USH2A: variants seen among roughly 807,000 people sequenced by gnomAD.
USH2A encodes usherin, also known as Usher syndrome 2A (autosomal recessive, mild).
USH2A carries 443 observed loss-of-function variants against 538.9 expected under a neutral mutation model. The ratio of observed to expected loss-of-function variants is 0.82; its 90% CI spans 0.76 to 0.89. The LOEUF is 0.89. USH2A is among the 40% of genes least tolerant of loss of function. USH2A has a pLI of 0.00. For synonymous variants in USH2A, 2,413 were observed against 2,273.5 expected (o/e 1.06, Z -1.75); for missense variants, 6,633 against 6,324.8 (o/e 1.05, Z -1.65).
At chr1:216,138,613 T>C (rs2033535159) in intron 21 of USH2A, among the ~76,000 whole-genome samples, 1 of 152,222 alleles carries the variant, frequency 6.6e-6, no homozygotes, top group Admixed American at 6.5e-5. Context: ...TTGACCTTTT[T>C]ATTGACTTCA....
intron 32 of USH2A, among the ~76,000 whole-genome samples, chr1:216,016,497 C>T (rs1325178580): frequency 6.6e-6 from 1 of 152,122 alleles, no homozygotes; most frequent in African/African-American, 2.4e-5. Context: ...AATCCACATC[C>T]CTCCCTTTCA....
At chr1:215,803,247 A>G (rs1362579977) in intron 49 of USH2A, among the ~76,000 whole-genome samples, 1 of 151,972 alleles carries the variant, frequency 6.6e-6, no homozygotes, top group Admixed American at 6.6e-5. Flanking sequence ...CTCTCTCACC[A>G]CTCCTATTCA....
At chr1:216,249,111 T>G (rs2036108392) in intron 12 of USH2A, among the ~76,000 whole-genome samples, 1 of 152,076 alleles carries the variant, frequency 6.6e-6, no homozygotes, top group South Asian at 2.1e-4. Context: ...TTGAATAAAG[T>G]TACTTGCTGA....
intron 11 of USH2A, among the ~76,000 whole-genome samples, chr1:216,274,251 T>C (rs964603317): frequency 6.6e-6 from 1 of 152,096 alleles, no homozygotes; most frequent in Non-Finnish European, 1.5e-5. Flanking sequence ...TTAGCCAATA[T>C]TGAAGCATTT....
intron 4 of USH2A, among the ~76,000 whole-genome samples, chr1:216,363,212 T>C (rs1405857471): frequency 6.6e-6 from 1 of 152,146 alleles, no homozygotes; most frequent in South Asian, 2.1e-4. Context: ...ACAGGCATTG[T>C]GCTTAGCACT....
intron 46 of USH2A, among the ~76,000 whole-genome samples, chr1:215,843,672 C>T (rs894295091): frequency 7.2e-5 from 11 of 152,214 alleles, no homozygotes; most frequent in African/African-American, 1.9e-4. Flanking sequence ...CTCACATATG[C>T]GGAGAACATT....
At chr1:215,652,650 G>T (rs1657118947) in intron 64 of USH2A, among the ~76,000 whole-genome samples, 1 of 152,168 alleles carries the variant, frequency 6.6e-6, no homozygotes, top group South Asian at 2.1e-4. Flanking sequence ...CTTCAGGGCT[G>T]ATGAGGAGGG....
intron 22 of USH2A, among the ~76,000 whole-genome samples, chr1:216,094,246 G>A (rs2102570083): frequency 6.6e-6 from 1 of 152,040 alleles, no homozygotes; most frequent in Non-Finnish European, 1.5e-5. Context: ...TTGTTAATTT[G>A]GATGTCCTGA....
Position 215,916,755 on chromosome 1 carries a change from A to G in USH2A, c.7301-15850T>C, listed in dbSNP as rs574931707. Among the ~76,000 whole-genome samples the G allele has an allele frequency of 2.7e-4, 41 of 152,232 alleles. No homozygotes were observed. The Middle Eastern group carries it at 0.017, about 63-fold the overall frequency. ...GGCAGAGGTGGGTCAAGGGCACCAG[A>G]ATAAAAAGACACCACTGAATACTAA... is the stretch of plus-strand genomic sequence containing the variant. On this transcript the variant is annotated intron_variant, in intron 38 of 71. Coordinates refer to ENST00000307340, the MANE Select transcript of USH2A (RefSeq NM_206933.4).
chr1:216,355,767 T>C (rs1393769307), intron 4 of USH2A, among the ~76,000 whole-genome samples: 1 of 152,128 alleles, frequency 6.6e-6, no homozygotes, highest in Non-Finnish European at 1.5e-5. Context: ...ATCTGCTACA[T>C]AATGAATCTA....
At chr1:216,000,049 A>T (rs945766552) in intron 33 of USH2A, among the ~76,000 whole-genome samples, 5 of 152,182 alleles carry the variant, frequency 3.3e-5, no homozygotes, top group African/African-American at 9.6e-5. Flanking sequence ...TAATAAGGGA[A>T]TAAGAAGGTC....
At position 216,062,644 on chromosome 1, in the gene USH2A, A is replaced by G. The variant is rs2031223282; in HGVS notation, c.6049+7457T>C. On this transcript the variant is annotated intron_variant, in intron 30 of 71. Transcript: ENST00000307340. Reference sequence around the variant, plus strand: ...CCAATTTATGAATGAGGAAACTCCAATGTAAGGATATGTTTTTAAATTTGT... The same window carrying G: ...CCAATTTATGAATGAGGAAACTCCAGTGTAAGGATATGTTTTTAAATTTGT... Among the ~76,000 whole-genome samples, 6 of 152,206 alleles carry G rather than the reference A, an allele frequency of 3.9e-5. No individual in the cohort carries two copies. The South Asian group carries it at 1.0e-3, about 26-fold the overall frequency.
chr1:216,231,249 T>TTATA lies in USH2A; in HGVS notation c.2993+700_2993+703dup, dbSNP rs367785093. ...CATATATCCCATATATATATATATA[T>TTATA]TATATATATAATATATATATATAAT... On this transcript the variant is annotated intron_variant, in intron 14 of 71. Transcript: ENST00000307340. Among the ~76,000 whole-genome samples the TTATA allele has an allele frequency of 1.1e-4, 9 of 83,746 alleles. 2 individuals are homozygous for TTATA. The highest frequency in any genetic ancestry group is 1.8e-4 in the Non-Finnish European group (8 of 43,508). 54.9% of individuals were successfully genotyped at this position (83,746 alleles called of 152,430 possible).
chr1:215,963,040 G>A (rs771596414), intron 37 of USH2A, among the ~76,000 whole-genome samples: 5 of 152,022 alleles, frequency 3.3e-5, no homozygotes, highest in Admixed American at 6.6e-5. Context: ...TGAACTAGCT[G>A]AATTTCCCTA....
At chr1:216,197,692 T>C (rs1187760462) in intron 18 of USH2A, among the ~76,000 whole-genome samples, 2 of 152,268 alleles carry the variant, frequency 1.3e-5, no homozygotes, top group African/African-American at 4.8e-5. Flanking sequence ...TAAAGGCTCA[T>C]GAAATTTGAA....
intron 60 of USH2A, among the ~76,000 whole-genome samples, chr1:215,731,471 T>C (rs902735044): frequency 7.2e-5 from 11 of 152,214 alleles, no homozygotes; most frequent in Non-Finnish European, 1.5e-4. Context: ...GAGTAGCCTG[T>C]GTTTAGAGAA....
At chr1:215,900,994 CTG>C in intron 38 of USH2A, 89 bp from the exon 39 acceptor site, 1 of 1,533,044 alleles carries the variant, frequency 6.5e-7, no homozygotes, top group East Asian at 2.3e-5. Context: ...ACTGGAAAAA[CTG>C]TTCCTCAGGA....
At chr1:216,321,158 A>G (rs1288313812) in intron 9 of USH2A, among the ~76,000 whole-genome samples, 2 of 152,174 alleles carry the variant, frequency 1.3e-5, no homozygotes, top group Non-Finnish European at 2.9e-5. Context: ...TGTCTTAAAC[A>G]TATTTACTGA....
intron 21 of USH2A, among the ~76,000 whole-genome samples, chr1:216,166,707 G>A (rs1359957930): frequency 6.6e-6 from 1 of 152,128 alleles, no homozygotes; most frequent in East Asian, 1.9e-4. Context: ...TAAGGCAATA[G>A]TGATATTCAC....
Sources: gnomAD v4.1 joint callset for allele counts (sites outside exome capture counted in the v4.1 genomes callset) on GRCh38, gnomAD v4.1.1 for gene constraint, MANE v1.5 for transcripts, NCBI Gene and HGNC (gene_info 2026-07-23, HGNC 2026-07-21) for gene names.